Variants in KISS1R observed in about 807,000 individuals in gnomAD.
KISS1R encodes kiSS-1 receptor.
A neutral mutation model predicts 22.0 loss-of-function variants in KISS1R; 19 were observed. The ratio of observed to expected loss-of-function variants is 0.86; its 90% CI spans 0.60 to 1.26. KISS1R has a LOEUF of 1.26. Ranked by LOEUF, KISS1R falls within the 50% of genes most tolerant of loss-of-function variation. KISS1R has a pLI of 0.00. For synonymous variants in KISS1R, 302 were observed against 283.9 expected, an observed-to-expected ratio of 1.06 and a Z score of -0.64; for missense variants, 653 against 581.9, an observed-to-expected ratio of 1.12 and a Z score of -1.26.
At position 920,941 on chromosome 19, in the gene KISS1R, G is replaced by C; in HGVS notation, c.*193G>C. On this transcript the variant is annotated 3_prime_UTR_variant, in exon 5 of 5. Coordinates refer to ENST00000234371, the MANE Select transcript of KISS1R (RefSeq NM_032551.5). ...TGAAATTATGACTTCTGTGTTTCCTGAAATTAAACATGTGTCAACACAGGA... is the reference window on the plus strand; with the variant it reads ...TGAAATTATGACTTCTGTGTTTCCTCAAATTAAACATGTGTCAACACAGGA... 1.9e-6 allele frequency: 1 copy of C among 538,848 alleles called. No homozygotes were observed. The highest frequency in any genetic ancestry group is 2.8e-6 in the Non-Finnish European group (1 of 361,562). 33.4% of individuals were successfully genotyped at this position (538,848 alleles called of 1,614,324 possible).
intron 1 of KISS1R, 131 bp from the exon 2 acceptor site, chr19:918,411 AGG>A (rs869290851): frequency 1.1e-4 from 10 of 93,166 alleles, no homozygotes; most frequent in South Asian, 1.4e-4. Context: ...GCGCTGGGGG[AGG>A]GGGGGGCCTC....
chr19:919,393 T>C, intron 2 of KISS1R, 97 bp from the exon 3 acceptor site: 3 of 1,496,266 alleles, frequency 2.0e-6, no homozygotes, highest in Non-Finnish European at 2.7e-6. Flanking sequence ...TGTATGTGCC[T>C]GAGTGTTCGC....
Position 917,441 on chromosome 19 carries a change from C to G in KISS1R, c.-62C>G, listed in dbSNP as rs1490469944. ...CCCCCGGGCGGTCGGGCGGAGGGGT[C>G]CCCGGGGCGGTGCCAGGGCGCAATC... On this transcript the variant is annotated 5_prime_UTR_variant, in exon 1 of 5. Transcript: ENST00000234371. 3 of 1,380,740 alleles carry G rather than the reference C, an allele frequency of 2.2e-6. No homozygotes were observed. The highest frequency in any genetic ancestry group is 3.6e-5 in the Admixed American group (1 of 27,704). 85.5% of individuals were successfully genotyped at this position (1,380,740 alleles called of 1,614,324 possible). A position where few individuals can be genotyped will look rare whatever the true frequency, so the allele number is the denominator to read the frequency against.
In KISS1R at chr19:919,600, G is replaced by A. The variant is rs998411942; in HGVS notation, c.480G>A (p.Leu160=). The change falls in exon 3 of 5, where the codon CTG becomes CTA. Residue 160 remains leucine, a synonymous_variant. Transcript: ENST00000234371. ...ACCGCCGCACGCCCCGCCTGGCGCTGGCTGTCAGCCTCAGCATCTGGGTAG... is the reference window on the plus strand; with the variant it reads ...ACCGCCGCACGCCCCGCCTGGCGCTAGCTGTCAGCCTCAGCATCTGGGTAG... ...ALHRRTPRLA[L]AVSLSIWVGS... is the part of the protein sequence containing the mutation. The A allele has an allele frequency of 2.6e-6, 4 of 1,552,838 alleles. No homozygotes were observed. Among genetic ancestry groups the A allele is most frequent in the Admixed American group, 1.9e-5 (1 of 51,826 alleles).
Position 917,792 on chromosome 19 carries a change from C to T in KISS1R, c.244+46C>T, listed in dbSNP as rs946299512. On this transcript the variant is annotated intron_variant, in intron 1 of 4. Coordinates refer to ENST00000234371, the MANE Select transcript of KISS1R (RefSeq NM_032551.5). ...GCACCTGCTGCCGTCCCGGGGGCTCCGAGGGCCGAGCGGCCTGGGGCGCCC... is the reference window on the plus strand; with the variant it reads ...GCACCTGCTGCCGTCCCGGGGGCTCTGAGGGCCGAGCGGCCTGGGGCGCCC... 3.8e-6 allele frequency: 6 copies of T among 1,560,266 alleles called. No individual in the cohort carries two copies. In the South Asian group the frequency reaches 7.0e-5, roughly 18 times the overall value.
At chr19:919,852 T>C in intron 3 of KISS1R, 22 bp from the exon 4 acceptor site, 1 of 1,533,900 alleles carries the variant, frequency 6.5e-7, no homozygotes, top group Non-Finnish European at 8.7e-7. Context: ...GAGCGGGGTC[T>C]TCATCCTGGC....
In KISS1R at chr19:920,771, C is replaced by T. The variant is rs755295308; in HGVS notation, c.*23C>T. On this transcript the variant is annotated 3_prime_UTR_variant, in exon 5 of 5. Coordinates refer to ENST00000234371, the MANE Select transcript of KISS1R (RefSeq NM_032551.5). ...TGAGCGGACCCGGTGGGAATCCGAGCGGCTCCCTCGGGAGCGGGGACTGCT... is the reference window on the plus strand; with the variant it reads ...TGAGCGGACCCGGTGGGAATCCGAGTGGCTCCCTCGGGAGCGGGGACTGCT... 5 of 1,263,126 alleles carry T rather than the reference C, an allele frequency of 4.0e-6. No homozygotes were observed. The highest frequency in any genetic ancestry group is 4.0e-6 in the Non-Finnish European group (4 of 1,004,812). 78.2% of individuals were successfully genotyped at this position (1,263,126 alleles called of 1,614,324 possible). A position where few individuals can be genotyped will look rare whatever the true frequency, so the allele number is the denominator to read the frequency against.
Position 920,435 on chromosome 19 carries a change from AC to A in KISS1R, c.887del (p.Pro296HisfsTer23). ...GCGCTGGGCCCCGCGGGCTCCTGGC[AC>A]CCACGCAGCTACGCCGCCTACGCGC... ...LQALGPAGSW[H>X]PRSYAAYALK... On this transcript the variant is annotated frameshift_variant, in exon 5 of 5. Coordinates refer to ENST00000234371, the MANE Select transcript of KISS1R (RefSeq NM_032551.5). LOFTEE classifies it low-confidence loss of function (END_TRUNC). 5 of 1,609,858 alleles carry A rather than the reference AC, an allele frequency of 3.1e-6. No individual in the cohort carries two copies. Among genetic ancestry groups the A allele is most frequent in the Non-Finnish European group, 4.2e-6 (5 of 1,179,048 alleles).
intron 2 of KISS1R, 25 bp downstream of exon 2, chr19:918,693 AG>A: frequency 7.3e-7 from 1 of 1,377,024 alleles, no homozygotes; most frequent in Non-Finnish European, 9.6e-7. Flanking sequence ...AGGAGGGGAG[AG>A]GGCGCACTTG....
In KISS1R at chr19:918,447, C is replaced by T. The variant is rs2037078814; in HGVS notation, c.245-97C>T. The T allele has an allele frequency of 4.9e-6, 7 of 1,427,606 alleles. 1 individual carries two copies. In the Middle Eastern group the frequency reaches 1.5e-3, roughly 297 times the overall value. 88.4% of individuals were successfully genotyped at this position (1,427,606 alleles called of 1,614,324 possible). A position where few individuals can be genotyped will look rare whatever the true frequency, so the allele number is the denominator to read the frequency against. ...TCCCTGAGCCATCCTGCTGGTCACT[C>T]GGACCAAGGTGGGGGCCAGGGGTCA... On this transcript the variant is annotated intron_variant, in intron 1 of 4. Transcript: ENST00000234371.
In KISS1R at chr19:920,309, G is replaced by T. The variant is rs368520210; in HGVS notation, c.758G>T (p.Arg253Leu). The T allele has an allele frequency of 6.4e-7, 1 of 1,570,732 alleles. No individual in the cohort carries two copies. Among genetic ancestry groups the T allele is most frequent in the East Asian group, 2.3e-5 (1 of 42,926 alleles). Residue 253 changes from arginine (R) to leucine (L), a missense_variant, in exon 5 of 5, where the codon CGC becomes CTC. Transcript: ENST00000234371. Reference protein sequence around the residue: ...SALQGQVLAERAGAVRAKVSR... With the variant: ...SALQGQVLAELAGAVRAKVSR... ...CCCCAGGGGCAGGTGCTGGCAGAGC[G>T]CGCAGGCGCCGTGCGGGCCAAGGTC...
intron 1 of KISS1R, among the ~76,000 whole-genome samples, 189 bp downstream of exon 1, chr19:917,935 C>G (rs974636855): frequency 6.6e-6 from 1 of 152,106 alleles, no homozygotes; most frequent in South Asian, 2.1e-4. Flanking sequence ...CAAACTCCAG[C>G]GCGGGCGGGC....
intron 3 of KISS1R, 62 bp from the exon 4 acceptor site, chr19:919,812 G>A (rs1397378832): frequency 6.6e-7 from 1 of 1,514,544 alleles, no homozygotes. Context: ...ACGCCTCCCG[G>A]GGAGGCACGT....
Position 917,441 on chromosome 19 carries a change from C to A in KISS1R, c.-62C>A. 1 of 1,380,740 alleles carries A rather than the reference C, an allele frequency of 7.2e-7. No individual in the cohort carries two copies. The allele number at this position is 1,380,740 out of a possible 1,614,324, so 85.5% of individuals were successfully genotyped here. ...CCCCCGGGCGGTCGGGCGGAGGGGT[C>A]CCCGGGGCGGTGCCAGGGCGCAATC... On this transcript the variant is annotated 5_prime_UTR_variant, in exon 1 of 5. Coordinates refer to ENST00000234371, the MANE Select transcript of KISS1R (RefSeq NM_032551.5).
Position 918,792 on chromosome 19 carries a change from G to A in KISS1R, c.369+124G>A. On this transcript the variant is annotated intron_variant, in intron 2 of 4. Transcript: ENST00000234371. Reference sequence around the variant, plus strand: ...GTGCGCTCCGCAGTGGGAGGGGAGGGGATCGTACGTGGGGACGGGGAGGGG... The same window carrying A: ...GTGCGCTCCGCAGTGGGAGGGGAGGAGATCGTACGTGGGGACGGGGAGGGG... 3.9e-6 allele frequency: 3 copies of A among 771,510 alleles called. No homozygotes were observed. The Admixed American group carries it at 7.1e-5, about 18-fold the overall frequency. The allele number at this position is 771,510 out of a possible 1,614,324, so 47.8% of individuals were successfully genotyped here.
At position 919,190 on chromosome 19, in the gene KISS1R, G is replaced by T. The variant is rs1272612390; in HGVS notation, c.370-300G>T. 2.0e-5 allele frequency among the ~76,000 whole-genome samples: 3 copies of T among 152,010 alleles called. No homozygotes were observed. In the East Asian group the frequency reaches 5.8e-4, roughly 29 times the overall value. ...GGGGACCCGGGTCACTGGTGAGGAA[G>T]GGCTACTGAGGCCCTGAGGCTTCTT... On this transcript the variant is annotated intron_variant, in intron 2 of 4. Coordinates refer to ENST00000234371, the MANE Select transcript of KISS1R (RefSeq NM_032551.5).
In KISS1R at chr19:920,525, T is replaced by C; in HGVS notation, c.974T>C (p.Phe325Ser). The C allele has an allele frequency of 6.2e-7, 1 of 1,600,978 alleles. No individual in the cohort carries two copies. The highest frequency in any genetic ancestry group is 8.5e-7 in the Non-Finnish European group (1 of 1,175,772). Residue 325 changes from phenylalanine to serine, a missense_variant, in exon 5 of 5, where the codon TTC (phenylalanine) becomes TCC (serine). By Grantham distance (155) the Phe-to-Ser change is radical. Transcript: ENST00000234371. ...NSALNPLLYA[F>S]LGSHFRQAFR... Reference sequence around the variant, plus strand: ...GCGCTGAACCCGCTGCTCTACGCCTTCCTGGGCTCGCACTTCCGACAGGCC... The same window carrying C: ...GCGCTGAACCCGCTGCTCTACGCCTCCCTGGGCTCGCACTTCCGACAGGCC...
At chr19:917,842 C>A in intron 1 of KISS1R, 96 bp downstream of exon 1, 1 of 1,404,550 alleles carries the variant, frequency 7.1e-7, no homozygotes, top group Non-Finnish European at 9.5e-7. Context: ...GGGGCCCTCT[C>A]GGACCCGGCT....
In KISS1R at chr19:920,413, C is replaced by G. The variant is rs1377350696; in HGVS notation, c.862C>G (p.Leu288Val). ...CCAGCTGTTCCTGGTGCTGCAGGCG[C>G]TGGGCCCCGCGGGCTCCTGGCACCC... ...PIQLFLVLQA[L>V]GPAGSWHPRS... The change falls in exon 5 of 5, where the codon CTG becomes GTG. Residue 288 changes from leucine to valine, a missense_variant. Coordinates refer to ENST00000234371, the MANE Select transcript of KISS1R (RefSeq NM_032551.5). 2 of 1,606,336 alleles carry G rather than the reference C, an allele frequency of 1.2e-6. No homozygotes were observed. Among genetic ancestry groups the G allele is most frequent in the Non-Finnish European group, 8.5e-7 (1 of 1,178,300 alleles).
Sources: gnomAD v4.1 joint callset for allele counts (sites outside exome capture counted in the v4.1 genomes callset) on GRCh38, gnomAD v4.1.1 for gene constraint, MANE v1.5 for transcripts, NCBI Gene and HGNC (gene_info 2026-07-23, HGNC 2026-07-21) for gene names.